CREBBP: variants seen among roughly 807,000 people sequenced by gnomAD.
The protein encoded by CREBBP is CREB-binding protein.
Under a neutral mutation model 265.0 loss-of-function variants are expected in CREBBP, and 19 were observed. That is an observed-to-expected ratio of 0.07 (90% CI 0.05 to 0.11). The LOEUF (loss-of-function observed/expected upper bound fraction) is 0.11. Ranked by LOEUF, CREBBP falls within the 10% of genes least tolerant of loss-of-function variation. The probability of loss-of-function intolerance (pLI) is 1.00; values close to 1 mark genes in which losing one functional copy is unlikely to be tolerated. For missense variants in CREBBP, 2,525 were observed against 3,219.0 expected, an observed-to-expected ratio of 0.78 and a Z score of 5.22; for synonymous variants, 1,457 against 1,223.7, an observed-to-expected ratio of 1.19 and a Z score of -3.98.
At position 3,879,887 on chromosome 16, in the gene CREBBP, G is replaced by A. The variant is rs1379816861; in HGVS notation, c.30C>T (p.Pro10=). The A allele has an allele frequency of 1.2e-6, 2 of 1,612,764 alleles. No homozygotes were observed. Among genetic ancestry groups the A allele is most frequent in the Non-Finnish European group, 1.7e-6 (2 of 1,179,396 alleles). MAENLLDGP[P]NPKRAKLSSP... Reference sequence around the variant, plus strand: ...AGCTGAGTTTGGCTCTTTTGGGGTTGGGCGGTCCGTCCAGCAAGTTCTCAG... The same window carrying A: ...AGCTGAGTTTGGCTCTTTTGGGGTTAGGCGGTCCGTCCAGCAAGTTCTCAG... The change falls in exon 1 of 31, where the codon CCC becomes CCT. Residue 10 remains proline, a synonymous_variant. Transcript: ENST00000262367.
chr16:3,815,232 C>T (rs564034864), intron 2 of CREBBP, among the ~76,000 whole-genome samples: 6 of 152,118 alleles, frequency 3.9e-5, no homozygotes, highest in African/African-American at 1.2e-4. Flanking sequence ...TTTCTTTAAA[C>T]GTCCCAACAG....
intron 1 of CREBBP, among the ~76,000 whole-genome samples, chr16:3,867,311 C>G (rs2141568808): frequency 6.6e-6 from 1 of 152,008 alleles, no homozygotes; most frequent in South Asian, 2.1e-4. Context: ...GGCAACATAG[C>G]AAGACCCTGT....
At position 3,738,640 on chromosome 16, in the gene CREBBP, T is replaced by C. The variant is rs2151334428; in HGVS notation, c.4313A>G (p.His1438Arg). 1 of 1,613,696 alleles carries C rather than the reference T, an allele frequency of 6.2e-7. No individual in the cohort carries two copies. ...GCGGAGGCAACGTGGCCGGAAGAAA[T>C]GAATACTATCCAGATAAGAAATGTA... ...RVYISYLDSI[H>R]FFRPRCLRTA... is the part of the protein sequence containing the mutation. The change falls in exon 26 of 31, where the codon CAT becomes CGT. Residue 1438 changes from histidine (H) to arginine (R), a missense_variant. This residue lies in a region of CREBBP where 252 missense variants were observed against 452.5 expected (regional missense o/e 0.56). Coordinates refer to ENST00000262367, the MANE Select transcript of CREBBP (RefSeq NM_004380.3).
intron 20 of CREBBP, among the ~76,000 whole-genome samples, chr16:3,751,321 C>G (rs2052468233): frequency 6.6e-6 from 1 of 152,042 alleles, no homozygotes; most frequent in Admixed American, 6.6e-5. Context: ...CCCCACAACA[C>G]AACAGACTGT....
intron 19 of CREBBP, among the ~76,000 whole-genome samples, chr16:3,754,145 C>T (rs1207374043): frequency 6.6e-6 from 1 of 152,186 alleles, no homozygotes; most frequent in Non-Finnish European, 1.5e-5. Context: ...TCAACAGACT[C>T]CTTGTCTGCC....
intron 22 of CREBBP, 68 bp from the exon 23 acceptor site, chr16:3,745,029 G>T: frequency 1.7e-6 from 2 of 1,181,276 alleles, no homozygotes; most frequent in Non-Finnish European, 2.5e-6. Flanking sequence ...ACAAAATGCA[G>T]CATTCAGATA....
At position 3,767,320 on chromosome 16, in the gene CREBBP, C is replaced by T. The variant is rs73493538; in HGVS notation, c.3250+400G>A. The T allele has an allele frequency of 1.2e-3, 270 of 227,842 alleles. 2 individuals are homozygous for T. The highest frequency in any genetic ancestry group is 5.7e-3 in the African/African-American group (247 of 43,260). 14.1% of individuals were successfully genotyped at this position (227,842 alleles called of 1,614,324 possible). ...AAGTCACCCTGTGCTGTCATAATGA[C>T]CATCTTCCTTAAATTATGGCTTTTT... On this transcript the variant is annotated intron_variant, in intron 16 of 30. Transcript: ENST00000262367.
At chr16:3,774,460 C>A in intron 12 of CREBBP, 109 bp downstream of exon 12, 7 of 1,479,598 alleles carry the variant, frequency 4.7e-6, no homozygotes, top group Non-Finnish European at 6.6e-6. Flanking sequence ...AACCCAAATT[C>A]AAAGGAACAA....
At chr16:3,863,127 A>C (rs771643645) in intron 1 of CREBBP, among the ~76,000 whole-genome samples, 2 of 152,226 alleles carry the variant, frequency 1.3e-5, no homozygotes, top group Non-Finnish European at 2.9e-5. Context: ...ATCAAAATGC[A>C]CTTAATACAA....
In CREBBP at chr16:3,836,080, A is replaced by C. The variant is rs374246763; in HGVS notation, c.798+14217T>G. Among the ~76,000 whole-genome samples, 13 of 152,256 alleles carry C rather than the reference A, an allele frequency of 8.5e-5. No homozygotes were observed. The East Asian group carries it at 1.9e-3, about 23-fold the overall frequency. ...GCCTTATAAAAAAGCACATACTATA[A>C]GTCATCACACTACATGATTCCATTA... On this transcript the variant is annotated intron_variant, in intron 2 of 30. Transcript: ENST00000262367.
At chr16:3,769,110 G>A (rs2052933879) in intron 15 of CREBBP, 64 bp downstream of exon 15, 20 of 1,588,756 alleles carry the variant, frequency 1.3e-5, no homozygotes, top group Middle Eastern at 4.3e-4. Context: ...TCCAAGCCTC[G>A]CCCGAGGACA....
chr16:3,856,159 T>A (rs1028919657), intron 1 of CREBBP, among the ~76,000 whole-genome samples: 12 of 152,208 alleles, frequency 7.9e-5, no homozygotes, highest in Non-Finnish European at 1.3e-4. Context: ...AGAGATAGGG[T>A]CTTGCTCTGT....
intron 3 of CREBBP, among the ~76,000 whole-genome samples, chr16:3,801,169 A>G (rs924658663): frequency 6.6e-6 from 1 of 152,176 alleles, no homozygotes; most frequent in Admixed American, 6.5e-5. Context: ...GCAAAGCCCC[A>G]ATCCTGCAGC....
At chr16:3,833,780 A>G (rs570887749) in intron 2 of CREBBP, among the ~76,000 whole-genome samples, 1 of 152,340 alleles carries the variant, frequency 6.6e-6, no homozygotes, top group Non-Finnish European at 1.5e-5. Flanking sequence ...TTTGTGATTG[A>G]TAAAATTGAC....
In CREBBP at chr16:3,731,984, A is replaced by C. The variant is rs899656123; in HGVS notation, c.4729-47T>G. On this transcript the variant is annotated intron_variant, in intron 28 of 30. Coordinates refer to ENST00000262367, the MANE Select transcript of CREBBP (RefSeq NM_004380.3). This position sits in a 1 kb window ranked among gnomAD's most constrained non-coding sequence, Gnocchi z 7.7. ...TGAGACCAGGCAAGTGCCCCTCCAC[A>C]CTTGGCACGGACGCCCAGCTCCCAG... is the stretch of plus-strand genomic sequence containing the variant. The C allele has an allele frequency of 6.2e-7, 1 of 1,613,614 alleles. No individual in the cohort carries two copies. Among genetic ancestry groups the C allele is most frequent in the Non-Finnish European group, 8.5e-7 (1 of 1,179,994 alleles).
chr16:3,850,636 C>G lies in CREBBP; in HGVS notation c.459G>C (p.Pro153=), dbSNP rs56388626. Residue 153 remains proline (P), a synonymous_variant, in exon 2 of 31, where the codon CCG becomes CCC. Coordinates refer to ENST00000262367, the MANE Select transcript of CREBBP (RefSeq NM_004380.3). ...CCAGCCCCACTTGCTTTTGTGCTTG[C>G]GGATTCAGTGCTTGGGAGGCAGCGG... ...PTPAASQALN[P]QAQKQVGLAT... 1 of 1,614,206 alleles carries G rather than the reference C, an allele frequency of 6.2e-7. No homozygotes were observed. The highest frequency in any genetic ancestry group is 1.3e-5 in the African/African-American group (1 of 75,054).
intron 3 of CREBBP, among the ~76,000 whole-genome samples, chr16:3,799,773 G>C (rs751267022): frequency 6.6e-6 from 1 of 152,186 alleles, no homozygotes; most frequent in Non-Finnish European, 1.5e-5. Context: ...AAGCCATGTG[G>C]AGCAGGGGAA....
At chr16:3,875,534 G>A (rs1398026843) in intron 1 of CREBBP, among the ~76,000 whole-genome samples, 1 of 152,146 alleles carries the variant, frequency 6.6e-6, no homozygotes, top group Non-Finnish European at 1.5e-5. Flanking sequence ...TACACTCCTG[G>A]CTGCCCCCAC....
chr16:3,833,578 A>G (rs943103426), intron 2 of CREBBP, among the ~76,000 whole-genome samples: 5 of 152,378 alleles, frequency 3.3e-5, no homozygotes, highest in African/African-American at 1.2e-4. Context: ...TATAGAATTA[A>G]TAAGTGAGTT....
Sources: allele counts gnomAD v4.1 joint callset (sites outside exome capture counted in the v4.1 genomes callset), GRCh38; gene constraint gnomAD v4.1.1; regional missense constraint gnomAD v4.1.1; non-coding constraint Gnocchi (gnomAD v3.1); transcripts MANE v1.5; gene names NCBI Gene and HGNC (gene_info 2026-07-23, HGNC 2026-07-21).